Variants in MAF observed in about 807,000 individuals in gnomAD.
MAF encodes transcription factor Maf.
In MAF, 10 loss-of-function variants were observed where a neutral mutation model predicts 22.0. The ratio of observed to expected loss-of-function variants is 0.45; its 90% CI spans 0.28 to 0.77. MAF has a LOEUF of 0.77. Ranked by LOEUF, MAF falls within the 30% of genes least tolerant of loss-of-function variation. MAF has a pLI of 0.12. For missense variants in MAF, 544 were observed against 548.4 expected (o/e 0.99, Z 0.08); for synonymous variants, 337 against 255.8 (o/e 1.32, Z -3.03).
the MAF span, among the ~76,000 whole-genome samples, chr16:79,306,166 A>T: frequency 3.3e-5 from 5 of 152,198 alleles, no homozygotes; most frequent in Admixed American, 6.5e-5. Flanking sequence ...TAAGATGATA[A>T]ATTCCCCTGA....
rs1555529653 is a variant in MAF, at chr16:79,598,455, T to TCA, written c.1118+329_1118+330insTG. ...AGTCCGGGGGTGGGGCGGGGGGGTG[T>TCA]AAAAAAAAAAAAAAAACAAGCTAGC... On this transcript the variant is annotated intron_variant, in intron 1 of 1. Coordinates refer to ENST00000326043, the MANE Select transcript of MAF (RefSeq NM_005360.5). 16 of 1,087,494 alleles carry TCA rather than the reference T, an allele frequency of 1.5e-5. No homozygotes were observed. The African/African-American group carries it at 2.8e-4, about 19-fold the overall frequency. The allele number at this position is 1,087,494 out of a possible 1,614,324, so 67.4% of individuals were successfully genotyped here.
At chr16:79,404,692 G>A in the MAF span, among the ~76,000 whole-genome samples, 8 of 151,906 alleles carry the variant, frequency 5.3e-5, no homozygotes, top group African/African-American at 1.7e-4. Context: ...GTGAGACTGG[G>A]TACGTCTCCC....
chr16:79,571,929 T>C, the MAF span, among the ~76,000 whole-genome samples: 1 of 152,154 alleles, frequency 6.6e-6, no homozygotes, highest in Non-Finnish European at 1.5e-5. Context: ...AATCTCCCCC[T>C]TTCTTTGCCA....
downstream of MAF, among the ~76,000 whole-genome samples, chr16:79,589,191 G>C (rs1395123881): frequency 6.6e-6 from 1 of 152,270 alleles, no homozygotes; most frequent in African/African-American, 2.4e-5. Flanking sequence ...TGGAAAAGAT[G>C]CTTTCTGAAA....
At chr16:79,394,128 G>A in the MAF span, among the ~76,000 whole-genome samples, 26 of 152,136 alleles carry the variant, frequency 1.7e-4, no homozygotes, top group Non-Finnish European at 1.5e-4. Context: ...TCTCAGCAAG[G>A]AGAGCAAAAT....
chr16:79,326,406 T>C, the MAF span, among the ~76,000 whole-genome samples: 2 of 152,194 alleles, frequency 1.3e-5, no homozygotes. Flanking sequence ...ACTTTTTCCA[T>C]CCCAAATTGC....
the MAF span, among the ~76,000 whole-genome samples, chr16:79,240,507 A>G: frequency 1.1e-5 from 1 of 94,590 alleles, no homozygotes; most frequent in Admixed American, 8.5e-5. Context: ...AAAAAAAAAA[A>G]AAAAAAAAAA....
chr16:79,496,587 A>G, the MAF span, among the ~76,000 whole-genome samples: 2 of 152,268 alleles, frequency 1.3e-5, no homozygotes, highest in African/African-American at 4.8e-5. Context: ...CATACCTCAG[A>G]TATCTGCCTT....
the MAF span, among the ~76,000 whole-genome samples, chr16:79,456,288 A>G: frequency 2.0e-5 from 3 of 151,960 alleles, no homozygotes; most frequent in African/African-American, 7.3e-5. Flanking sequence ...ACTCCATTCC[A>G]CTCACTCCCA....
At chr16:79,501,289 C>A in the MAF span, among the ~76,000 whole-genome samples, 1 of 152,138 alleles carries the variant, frequency 6.6e-6, no homozygotes, top group African/African-American at 2.4e-5. Flanking sequence ...GTGTTTGCTC[C>A]TCTTCTTATA....
At chr16:79,204,086 A>C in the MAF span, 4 of 151,952 alleles carry the variant, frequency 2.6e-5, no homozygotes, top group African/African-American at 7.3e-5. Flanking sequence ...TTTGTTGGCA[A>C]ATTTCTATGG....
At chr16:79,590,145 C>T (rs1913105543), downstream of MAF, among the ~76,000 whole-genome samples, 1 of 152,114 alleles carries the variant, frequency 6.6e-6, no homozygotes, top group African/African-American at 2.4e-5. Flanking sequence ...GGCTATTGGG[C>T]CCCGCAGAAC....
the MAF span, among the ~76,000 whole-genome samples, chr16:79,414,567 T>C: frequency 6.6e-6 from 1 of 152,152 alleles, no homozygotes. Flanking sequence ...CATTTCAACA[T>C]GAGATTTAGA....
At chr16:79,512,025 C>A in the MAF span, among the ~76,000 whole-genome samples, 1 of 152,202 alleles carries the variant, frequency 6.6e-6, no homozygotes, top group Non-Finnish European at 1.5e-5. Flanking sequence ...ACCCAGTGCA[C>A]GAACTTCTTC....
chr16:79,417,681 C>T, the MAF span, among the ~76,000 whole-genome samples: 1 of 152,158 alleles, frequency 6.6e-6, no homozygotes. Flanking sequence ...GGTCCTCCGT[C>T]CCCTCCCCAC....
At chr16:79,513,443 A>C in the MAF span, among the ~76,000 whole-genome samples, 1 of 152,238 alleles carries the variant, frequency 6.6e-6, no homozygotes, top group East Asian at 1.9e-4. Context: ...AGACGTGCTA[A>C]CTTCCTAAGC....
the MAF span, among the ~76,000 whole-genome samples, chr16:79,232,837 CTTT>C: frequency 2.3e-4 from 26 of 113,816 alleles, no homozygotes; most frequent in East Asian, 1.4e-3. Flanking sequence ...ATAAGCCATT[CTTT>C]TTTTTTTTTT....
chr16:79,339,083 A>C, the MAF span, among the ~76,000 whole-genome samples: 1 of 151,008 alleles, frequency 6.6e-6, no homozygotes, highest in East Asian at 1.9e-4. Context: ...TTTATTTTTT[A>C]TTTTTTGAGA....
At chr16:79,430,823 C>T in the MAF span, among the ~76,000 whole-genome samples, 2 of 152,198 alleles carry the variant, frequency 1.3e-5, no homozygotes, top group Non-Finnish European at 2.9e-5. Context: ...TGTGTTTTGC[C>T]CTCTGCTCTT....
Sources: gnomAD v4.1 joint callset for allele counts (sites outside exome capture counted in the v4.1 genomes callset) on GRCh38, gnomAD v4.1.1 for gene constraint, MANE v1.5 for transcripts, NCBI Gene and HGNC (gene_info 2026-07-23, HGNC 2026-07-21) for gene names.